Variants in SIPA1L3 observed in about 807,000 individuals in gnomAD.
SIPA1L3 encodes signal induced proliferation associated 1 like 3.
SIPA1L3 carries 59 observed loss-of-function variants against 150.1 expected under a neutral mutation model. The observed-to-expected ratio is 0.39, with a 90% CI of 0.32 to 0.49. SIPA1L3 has a LOEUF of 0.49. Ranked by LOEUF, SIPA1L3 falls within the 20% of genes least tolerant of loss-of-function variation. The probability of loss-of-function intolerance (pLI) is 0.86; values close to 1 mark genes in which losing one functional copy is unlikely to be tolerated. For missense variants in SIPA1L3, 2,211 were observed against 2,489.5 expected (o/e 0.89, Z 2.38); for synonymous variants, 1,070 against 1,077.6 (o/e 0.99, Z 0.14).
intron 9 of SIPA1L3, among the ~76,000 whole-genome samples, chr19:38,122,314 G>A (rs1051251488): frequency 2.0e-5 from 3 of 152,110 alleles, no homozygotes; most frequent in African/African-American, 7.2e-5. Context: ...CTCAAATAAG[G>A]TTTTAGGGAA....
intron 2 of SIPA1L3, among the ~76,000 whole-genome samples, chr19:38,052,955 G>A (rs960517656): frequency 6.6e-6 from 1 of 152,234 alleles, no homozygotes. Flanking sequence ...GGGTGCTGGA[G>A]TATTCTCAGG....
intron 1 of SIPA1L3, among the ~76,000 whole-genome samples, chr19:37,997,723 T>C (rs1967675294): frequency 6.6e-6 from 1 of 151,218 alleles, no homozygotes. Flanking sequence ...AAAAATTATC[T>C]GGGCGCAGTG....
intron 9 of SIPA1L3, among the ~76,000 whole-genome samples, chr19:38,128,851 C>G (rs1018405106): frequency 6.6e-6 from 1 of 151,784 alleles, no homozygotes; most frequent in East Asian, 1.9e-4. Context: ...GAGCTGAGAT[C>G]GGGCCACTGC....
At chr19:38,054,019 G>A (rs564676136) in intron 2 of SIPA1L3, among the ~76,000 whole-genome samples, 2 of 152,132 alleles carry the variant, frequency 1.3e-5, no homozygotes, top group Admixed American at 1.3e-4. Context: ...AAGGTCACAC[G>A]GCAGAGCTGA....
intron 3 of SIPA1L3, among the ~76,000 whole-genome samples, chr19:38,086,546 G>A (rs1280926536): frequency 6.6e-6 from 1 of 152,118 alleles, no homozygotes; most frequent in African/African-American, 2.4e-5. Context: ...AGCCAGGTGT[G>A]GTGGTGCATG....
chr19:38,110,149 G>A (rs1266344107), intron 7 of SIPA1L3, 78 bp from the exon 8 acceptor site: 12 of 1,412,118 alleles, frequency 8.5e-6, no homozygotes, highest in Non-Finnish European at 1.2e-5. Flanking sequence ...GGTGGGGGGA[G>A]CTGTGGCAGT....
intron 9 of SIPA1L3, among the ~76,000 whole-genome samples, chr19:38,122,783 C>G (rs1304101203): frequency 6.6e-6 from 1 of 152,200 alleles, no homozygotes; most frequent in Non-Finnish European, 1.5e-5. Context: ...GGCCTTTGTA[C>G]CACCTCTTGC....
At chr19:37,965,320 T>G (rs2046893723) in intron 1 of SIPA1L3, among the ~76,000 whole-genome samples, 1 of 150,302 alleles carries the variant, frequency 6.7e-6, no homozygotes, top group Admixed American at 6.6e-5. Flanking sequence ...ATTTCTAGTT[T>G]TTTTTTTTTT....
chr19:38,050,285 G>A (rs1288150792), intron 2 of SIPA1L3, among the ~76,000 whole-genome samples: 1 of 151,650 alleles, frequency 6.6e-6, no homozygotes, highest in Non-Finnish European at 1.5e-5. Flanking sequence ...ATGAAACCCC[G>A]TCTCCACTAA....
chr19:38,113,252 C>CT (rs1897480963), intron 8 of SIPA1L3, among the ~76,000 whole-genome samples: 1 of 151,688 alleles, frequency 6.6e-6, no homozygotes, highest in Non-Finnish European at 1.5e-5. Flanking sequence ...AGATGAGCCT[C>CT]TGACACCCTC....
At chr19:37,971,570 GT>G (rs58050100) in intron 1 of SIPA1L3, among the ~76,000 whole-genome samples, 95,043 of 149,470 alleles carry the variant, frequency 0.64, 30,540 homozygotes, top group East Asian at 0.81. Context: ...GTTTTTTGGG[GT>G]TTTTTTTTTG....
intron 1 of SIPA1L3, among the ~76,000 whole-genome samples, chr19:38,009,248 G>A (rs1872936712): frequency 6.6e-6 from 1 of 152,068 alleles, no homozygotes; most frequent in African/African-American, 2.4e-5. Flanking sequence ...TCGAACTCCT[G>A]ACCTTGTGAT....
intron 1 of SIPA1L3, among the ~76,000 whole-genome samples, chr19:37,929,919 T>A (rs1336700584): frequency 6.6e-6 from 1 of 152,028 alleles, no homozygotes; most frequent in Non-Finnish European, 1.5e-5. Flanking sequence ...AGTGCAGTGG[T>A]GTAATCATGG....
At chr19:38,172,088 T>G (rs1017507029) in intron 15 of SIPA1L3, among the ~76,000 whole-genome samples, 1 of 152,124 alleles carries the variant, frequency 6.6e-6, no homozygotes, top group Admixed American at 6.6e-5. Flanking sequence ...GCAAAGTCTC[T>G]GAGGGGGCTG....
chr19:37,982,449 C>T (rs771122862), intron 1 of SIPA1L3, among the ~76,000 whole-genome samples: 4 of 152,200 alleles, frequency 2.6e-5, no homozygotes, highest in Admixed American at 6.5e-5. Flanking sequence ...GTTCTTCCAG[C>T]GTTCACCATG....
At chr19:38,035,983 A>G (rs575141214) in intron 2 of SIPA1L3, among the ~76,000 whole-genome samples, 16 of 152,320 alleles carry the variant, frequency 1.1e-4, no homozygotes, top group Admixed American at 8.5e-4. Flanking sequence ...CTGGGAGCAG[A>G]GTTCATACAG....
intron 10 of SIPA1L3, among the ~76,000 whole-genome samples, chr19:38,136,183 CAAAAAAAAAAAA>C (rs56146390): frequency 1.6e-4 from 7 of 44,114 alleles, no homozygotes; most frequent in African/African-American, 5.0e-4. Context: ...GAGACTGTCT[CAAAAAAAAAAAA>C]AAAAAAAAAA....
chr19:38,203,173 GTAATTACAAGAAAT>G (rs1398582016), intron 20 of SIPA1L3, among the ~76,000 whole-genome samples: 1 of 152,184 alleles, frequency 6.6e-6, no homozygotes, highest in Non-Finnish European at 1.5e-5. Flanking sequence ...AGGCCCCACT[GTAATTACAAGAAAT>G]CAGCAGTTCC....
intron 10 of SIPA1L3, among the ~76,000 whole-genome samples, chr19:38,139,144 C>T (rs188181709): frequency 6.6e-6 from 1 of 151,660 alleles, no homozygotes; most frequent in African/African-American, 2.4e-5. Flanking sequence ...TGCAGTGAGC[C>T]GAGATCTCAC....
Sources: gnomAD v4.1 joint callset for allele counts (sites outside exome capture counted in the v4.1 genomes callset) on GRCh38, gnomAD v4.1.1 for gene constraint, MANE v1.5 for transcripts, NCBI Gene and HGNC (gene_info 2026-07-23, HGNC 2026-07-21) for gene names.